Variants in CPSF2 observed in about 807,000 individuals in gnomAD.
CPSF2 encodes cleavage and polyadenylation specificity factor subunit 2.
In CPSF2, 51 loss-of-function variants were observed where a neutral mutation model predicts 84.2. The observed-to-expected ratio is 0.61, with a 90% CI of 0.48 to 0.77. The LOEUF (loss-of-function observed/expected upper bound fraction) is 0.77, where lower values mean the gene tolerates loss of function less well. Ranked by LOEUF, CPSF2 falls within the 30% of genes least tolerant of loss-of-function variation. The pLI, the probability that CPSF2 is intolerant of heterozygous loss-of-function variation, is 0.00. For missense variants in CPSF2, 641 were observed against 929.4 expected (o/e 0.69, Z 4.03); for synonymous variants, 286 against 311.9 (o/e 0.92, Z 0.87).
chr14:92,134,457 G>A, intron 5 of CPSF2, 102 bp downstream of exon 5: 2 of 752,410 alleles, frequency 2.7e-6, no homozygotes, highest in Non-Finnish European at 2.2e-6. Context: ...ATTATAGGCT[G>A]AAGAATAAAA....
chr14:92,151,228 C>CA (rs1315102335), intron 9 of CPSF2, among the ~76,000 whole-genome samples: 1 of 151,864 alleles, frequency 6.6e-6, no homozygotes, highest in Non-Finnish European at 1.5e-5. Context: ...CTTGTCTCTA[C>CA]AAAAAATTAA....
rs2069422267 is a variant in CPSF2, at chr14:92,164,820, A to G, written c.*3076A>G. The G allele has an allele frequency of 6.6e-6, 1 of 152,208 alleles. No homozygotes were observed. Among genetic ancestry groups the G allele is most frequent in the Non-Finnish European group, 1.5e-5 (1 of 68,040 alleles). 9.4% of individuals were successfully genotyped at this position (152,208 alleles called of 1,614,324 possible). A position where few individuals can be genotyped will look rare whatever the true frequency, so the allele number is the denominator to read the frequency against. ...AAAGTTCACTCTTCTAAAGTGTACA[A>G]TTCATTGGTGTTAGTATATTTACAG... On this transcript the variant is annotated 3_prime_UTR_variant, in exon 16 of 16. Coordinates refer to ENST00000298875, the MANE Select transcript of CPSF2 (RefSeq NM_017437.3).
Position 92,165,111 on chromosome 14 carries a change from T to A in CPSF2, c.*3367T>A, listed in dbSNP as rs2069426369. ...CTGTTGTAACATGTATCAGTACCCT[T>A]TTTGTGACTGAATATTATTCCACCG... is the stretch of plus-strand genomic sequence containing the variant. On this transcript the variant is annotated 3_prime_UTR_variant, in exon 16 of 16. Transcript: ENST00000298875. 1 of 152,206 alleles carries A rather than the reference T, an allele frequency of 6.6e-6. No homozygotes were observed. The highest frequency in any genetic ancestry group is 1.5e-5 in the Non-Finnish European group (1 of 68,048). 9.4% of individuals were successfully genotyped at this position (152,206 alleles called of 1,614,324 possible).
At chr14:92,139,292 A>C (rs897981346) in intron 7 of CPSF2, among the ~76,000 whole-genome samples, 5 of 151,554 alleles carry the variant, frequency 3.3e-5, no homozygotes, top group African/African-American at 9.7e-5. Context: ...TGGCGGGTGC[A>C]TGTAATCCCA....
Position 92,162,274 on chromosome 14 carries a change from CTG to C in CPSF2, c.*532_*533del, listed in dbSNP as rs906980983. On this transcript the variant is annotated 3_prime_UTR_variant, in exon 16 of 16. Transcript: ENST00000298875. The stretch of plus-strand genomic sequence containing the variant: ...GCAATTGTTTTCACAGGCAGGATGT[CTG>C]TTTTCTGCCTGTATTTCCCAGTGAT... 6.6e-6 allele frequency: 1 copy of C among 152,590 alleles called. No homozygotes were observed. The highest frequency in any genetic ancestry group is 2.4e-5 in the African/African-American group (1 of 41,418). 9.5% of individuals were successfully genotyped at this position (152,590 alleles called of 1,614,324 possible).
chr14:92,153,623 G>GAAGTGATCCTCAGTCTCAGACTC (rs1268868893), intron 9 of CPSF2, among the ~76,000 whole-genome samples: 2 of 151,710 alleles, frequency 1.3e-5, no homozygotes, highest in African/African-American at 2.4e-5. Context: ...CTGTCAGACT[G>GAAGTGATCCTCAGTCTCAGACTC]AAGTGATCCT....
At chr14:92,146,385 G>T (rs1380420883) in intron 9 of CPSF2, among the ~76,000 whole-genome samples, 1 of 152,286 alleles carries the variant, frequency 6.6e-6, no homozygotes, top group Non-Finnish European at 1.5e-5. Flanking sequence ...GCCTGGCGTG[G>T]TGGTGGGCGC....
intron 9 of CPSF2, among the ~76,000 whole-genome samples, chr14:92,149,478 A>G (rs529394781): frequency 6.6e-6 from 1 of 152,204 alleles, no homozygotes. Flanking sequence ...GGGGCCAGAC[A>G]TACTGGCTCA....
Position 92,121,992 on chromosome 14 carries a change from C to A in CPSF2, c.-230C>A, listed in dbSNP as rs1012666576. On this transcript the variant is annotated 5_prime_UTR_variant, in exon 1 of 16. Coordinates refer to ENST00000298875, the MANE Select transcript of CPSF2 (RefSeq NM_017437.3). ...CCGCTAGTCTCCAGCTCCAAAATGG[C>A]GGCTGCCACTGTGGGGCTTCTGCCG... 4.3e-6 allele frequency: 3 copies of A among 697,342 alleles called. No homozygotes were observed. Among genetic ancestry groups the A allele is most frequent in the Non-Finnish European group, 7.2e-6 (3 of 417,018 alleles). 43.2% of individuals were successfully genotyped at this position (697,342 alleles called of 1,614,324 possible). A position where few individuals can be genotyped will look rare whatever the true frequency, so the allele number is the denominator to read the frequency against.
At chr14:92,131,228 C>T (rs2141453407) in intron 3 of CPSF2, 95 bp downstream of exon 3, 2 of 972,366 alleles carry the variant, frequency 2.1e-6, no homozygotes, top group Admixed American at 2.9e-5. Context: ...TGCCTTTTTA[C>T]ACTAGTTTAT....
At chr14:92,147,413 G>A (rs1406345594) in intron 9 of CPSF2, among the ~76,000 whole-genome samples, 1 of 152,180 alleles carries the variant, frequency 6.6e-6, no homozygotes, top group African/African-American at 2.4e-5. Context: ...AGGTAATACG[G>A]TGAAGGAGTA....
Position 92,159,123 on chromosome 14 carries a change from G to A in CPSF2, c.1962G>A (p.Lys654=), listed in dbSNP as rs1237069141. The change falls in exon 14 of 16, where the codon AAG becomes AAA. Residue 654 remains lysine, a synonymous_variant. Coordinates refer to ENST00000298875, the MANE Select transcript of CPSF2 (RefSeq NM_017437.3). ...TGVILEEGEL[K]DDGEDSEMQV... ...TTATTTTAGAAGAAGGAGAACTAAAGGATGATGGAGAAGACTCAGAGATGC... is the reference window on the plus strand; with the variant it reads ...TTATTTTAGAAGAAGGAGAACTAAAAGATGATGGAGAAGACTCAGAGATGC... 3 of 1,613,948 alleles carry A rather than the reference G, an allele frequency of 1.9e-6. No individual in the cohort carries two copies. In the African/African-American group the frequency reaches 4.0e-5, roughly 22 times the overall value.
chr14:92,163,443 ACT>A lies in CPSF2; in HGVS notation c.*1702_*1703del. The A allele has an allele frequency of 6.6e-6, 1 of 152,586 alleles. No individual in the cohort carries two copies. The highest frequency in any genetic ancestry group is 2.1e-4 in the South Asian group (1 of 4,820). The allele number at this position is 152,586 out of a possible 1,614,324, so 9.5% of individuals were successfully genotyped here. Reference sequence around the variant, plus strand: ...AGTGCTTTGGAAAAATTTCACTTAAACTCTTATTACTGTATAGATTAAGCCCT... The same window carrying A: ...AGTGCTTTGGAAAAATTTCACTTAAACTTATTACTGTATAGATTAAGCCCT... On this transcript the variant is annotated 3_prime_UTR_variant, in exon 16 of 16. Transcript: ENST00000298875.
intron 9 of CPSF2, among the ~76,000 whole-genome samples, chr14:92,144,647 G>A (rs991565923): frequency 6.6e-6 from 1 of 152,160 alleles, no homozygotes; most frequent in African/African-American, 2.4e-5. Flanking sequence ...CATTTGCTTG[G>A]TTTGTGCCTG....
At position 92,169,648 on chromosome 14, in the gene CPSF2, G is replaced by A. The variant is rs1595073208; in HGVS notation, c.*7904G>A. 2 of 120,968 alleles carry A rather than the reference G, an allele frequency of 1.7e-5. No individual in the cohort carries two copies. Among genetic ancestry groups the A allele is most frequent in the Non-Finnish European group, 1.6e-5 (1 of 61,210 alleles). 7.5% of individuals were successfully genotyped at this position (120,968 alleles called of 1,614,324 possible). A position where few individuals can be genotyped will look rare whatever the true frequency, so the allele number is the denominator to read the frequency against. On this transcript the variant is annotated 3_prime_UTR_variant, in exon 16 of 16. Transcript: ENST00000298875. ...AATTCTTAAGGTTTTTCTTATATGT[G>A]ATTTTTTTTTTTTTTTTTTTTTTGA...
Position 92,170,304 on chromosome 14 carries a change from A to G in CPSF2, c.*8560A>G, listed in dbSNP as rs902754350. 1.3e-5 allele frequency: 2 copies of G among 152,186 alleles called. No homozygotes were observed. Among genetic ancestry groups the G allele is most frequent in the Non-Finnish European group, 2.9e-5 (2 of 68,034 alleles). 9.4% of individuals were successfully genotyped at this position (152,186 alleles called of 1,614,324 possible). ...TTGTTAACATCTTGCCATATTTTCC[A>G]TACCACTCTCTAGCTATGTATTCAC... On this transcript the variant is annotated 3_prime_UTR_variant, in exon 16 of 16. Coordinates refer to ENST00000298875, the MANE Select transcript of CPSF2 (RefSeq NM_017437.3).
At chr14:92,136,955 C>T (rs2069007673) in intron 6 of CPSF2, among the ~76,000 whole-genome samples, 1 of 151,332 alleles carries the variant, frequency 6.6e-6, no homozygotes, top group Non-Finnish European at 1.5e-5. Flanking sequence ...AATAATGAAC[C>T]AAGTTACAAA....
chr14:92,136,844 T>G (rs1000647485), intron 6 of CPSF2, among the ~76,000 whole-genome samples: 1 of 152,196 alleles, frequency 6.6e-6, no homozygotes, highest in African/African-American at 2.4e-5. Flanking sequence ...GTCCTTTTAA[T>G]TATATAACAA....
chr14:92,135,805 C>T (rs916305662), intron 6 of CPSF2, among the ~76,000 whole-genome samples: 6 of 152,154 alleles, frequency 3.9e-5, no homozygotes, highest in African/African-American at 1.4e-4. Context: ...TGCTATTTAA[C>T]ACAACTTTGT....
Sources: gnomAD v4.1 joint callset for allele counts (sites outside exome capture counted in the v4.1 genomes callset) on GRCh38, gnomAD v4.1.1 for gene constraint, MANE v1.5 for transcripts, NCBI Gene and HGNC (gene_info 2026-07-23, HGNC 2026-07-21) for gene names.